Variants in SHQ1 observed in about 807,000 individuals in gnomAD.
The protein encoded by SHQ1 is protein SHQ1 homolog.
In SHQ1, 49 loss-of-function variants were observed where a neutral mutation model predicts 53.8. The ratio of observed to expected loss-of-function variants is 0.91; its 90% confidence interval spans 0.72 to 1.16. SHQ1 has a LOEUF of 1.16. Ranked by LOEUF, SHQ1 falls within the 50% of genes most tolerant of loss-of-function variation. The pLI, the probability that SHQ1 is intolerant of heterozygous loss-of-function variation, is 0.00. For missense variants in SHQ1, 738 were observed against 683.1 expected, an observed-to-expected ratio of 1.08 and a Z score of -0.90; for synonymous variants, 243 against 251.0, an observed-to-expected ratio of 0.97 and a Z score of 0.30.
At chr3:72,769,448 A>G (rs1008892230) in intron 10 of SHQ1, among the ~76,000 whole-genome samples, 1 of 152,160 alleles carries the variant, frequency 6.6e-6, no homozygotes, top group Non-Finnish European at 1.5e-5. Flanking sequence ...TGTATATCTC[A>G]ATACGTACCT....
intron 8 of SHQ1, among the ~76,000 whole-genome samples, chr3:72,814,315 A>C (rs1014624874): frequency 3.3e-5 from 5 of 152,252 alleles, no homozygotes; most frequent in African/African-American, 1.2e-4. Flanking sequence ...TCATGGCAAC[A>C]TGAGGAACTC....
intron 9 of SHQ1, among the ~76,000 whole-genome samples, chr3:72,797,484 A>T (rs1706660973): frequency 6.6e-6 from 1 of 152,208 alleles, no homozygotes; most frequent in Non-Finnish European, 1.5e-5. Flanking sequence ...AAATTAAGAC[A>T]TGTTCAACTA....
At chr3:72,793,441 A>G in intron 9 of SHQ1, 1 of 149,868 alleles carries the variant, frequency 6.7e-6, no homozygotes, top group Non-Finnish European at 1.5e-5. Context: ...GGGGAGGTGG[A>G]GCTTGCCGTG....
intron 9 of SHQ1, among the ~76,000 whole-genome samples, chr3:72,800,827 T>G (rs996257657): frequency 2.0e-5 from 3 of 152,228 alleles, no homozygotes; most frequent in Non-Finnish European, 4.4e-5. Context: ...TAATTATATA[T>G]TTCCCTGACA....
At chr3:72,782,076 A>T (rs1446489065) in intron 10 of SHQ1, among the ~76,000 whole-genome samples, 4 of 152,198 alleles carry the variant, frequency 2.6e-5, no homozygotes, top group African/African-American at 9.6e-5. Flanking sequence ...AAAACAGAAA[A>T]CATGATCCAC....
chr3:72,767,244 A>T (rs1705750024), intron 10 of SHQ1, among the ~76,000 whole-genome samples: 2 of 152,210 alleles, frequency 1.3e-5, no homozygotes, highest in Non-Finnish European at 2.9e-5. Context: ...CAATGTTCAG[A>T]AGCAAAAACC....
chr3:72,818,596 G>A (rs185191128), intron 6 of SHQ1, among the ~76,000 whole-genome samples: 1 of 152,268 alleles, frequency 6.6e-6, no homozygotes, highest in East Asian at 1.9e-4. Flanking sequence ...AATAAATTGA[G>A]TATAGTAGGC....
Position 72,842,329 on chromosome 3 carries a change from A to T in SHQ1, c.282T>A (p.Leu94=). The T allele has an allele frequency of 6.2e-7, 1 of 1,614,010 alleles. No homozygotes were observed. Among genetic ancestry groups the T allele is most frequent in the Non-Finnish European group, 8.5e-7 (1 of 1,179,896 alleles). Residue 94 remains leucine, a synonymous_variant, in exon 3 of 11, where the codon CTT becomes CTA. Coordinates refer to ENST00000325599, the MANE Select transcript of SHQ1 (RefSeq NM_018130.3). ...HFEGLNMLTA[L]LAPRKSRTAK... Reference sequence around the variant, plus strand: ...CTGTCCTGGATTTTCTTGGTGCCAGAAGAGCAGTTAACATGTTCAGCCCCT... The same window carrying T: ...CTGTCCTGGATTTTCTTGGTGCCAGTAGAGCAGTTAACATGTTCAGCCCCT...
At chr3:72,756,010 C>T (rs1371339057) in intron 10 of SHQ1, among the ~76,000 whole-genome samples, 1 of 152,174 alleles carries the variant, frequency 6.6e-6, no homozygotes, top group Non-Finnish European at 1.5e-5. Context: ...GTGATCCTCC[C>T]ACCTCAGCCT....
chr3:72,726,391 C>G, the SHQ1 span, among the ~76,000 whole-genome samples: 1 of 152,058 alleles, frequency 6.6e-6, no homozygotes, highest in Non-Finnish European at 1.5e-5. Flanking sequence ...AGCTCTGTCG[C>G]CCAGGTTGAG....
chr3:72,750,556 C>A lies in SHQ1; in HGVS notation c.1462G>T (p.Val488Phe), dbSNP rs1309843400. Residue 488 changes from valine to phenylalanine, a missense_variant, in exon 11 of 11, where the codon GTC (valine) becomes TTC (phenylalanine). Coordinates refer to ENST00000325599, the MANE Select transcript of SHQ1 (RefSeq NM_018130.3). Reference sequence around the variant, plus strand: ...AGAAAGGGACCTTGCAAAGAACTGACTGTCTCAGATGGACTATCTTTGAGT... The same window carrying A: ...AGAAAGGGACCTTGCAAAGAACTGAATGTCTCAGATGGACTATCTTTGAGT... ...DELKDSPSET[V>F]SSLQGPFLEE... 4 of 1,614,228 alleles carry A rather than the reference C, an allele frequency of 2.5e-6. No homozygotes were observed. The highest frequency in any genetic ancestry group is 2.2e-5 in the East Asian group (1 of 44,894).
chr3:72,765,340 T>C (rs778380595), intron 10 of SHQ1, among the ~76,000 whole-genome samples: 2 of 151,614 alleles, frequency 1.3e-5, no homozygotes, highest in Non-Finnish European at 2.9e-5. Flanking sequence ...TACCTGTTAC[T>C]TCCTTCTATG....
At position 72,832,537 on chromosome 3, in the gene SHQ1, A is replaced by G. The variant is rs77489635; in HGVS notation, c.487-56T>C. Reference sequence around the variant, plus strand: ...GCTATCTCCTATTTTTAGCATTTAAAACTCAAATTTTATACAAAATGCCAA... The same window carrying G: ...GCTATCTCCTATTTTTAGCATTTAAGACTCAAATTTTATACAAAATGCCAA... On this transcript the variant is annotated intron_variant, in intron 4 of 10. Coordinates refer to ENST00000325599, the MANE Select transcript of SHQ1 (RefSeq NM_018130.3). 8.0e-4 allele frequency: 1,031 copies of G among 1,283,900 alleles called. 4 individuals are homozygous for G. The African/African-American group carries it at 0.013, about 16-fold the overall frequency. The allele number at this position is 1,283,900 out of a possible 1,614,324, so 79.5% of individuals were successfully genotyped here.
At chr3:72,835,899 C>A (rs1707977895) in intron 4 of SHQ1, among the ~76,000 whole-genome samples, 1 of 152,184 alleles carries the variant, frequency 6.6e-6, no homozygotes, top group East Asian at 1.9e-4. Flanking sequence ...CCCATCCTTT[C>A]CCTTTACCTG....
chr3:72,796,928 T>TAA (rs60237295), intron 9 of SHQ1, among the ~76,000 whole-genome samples: 26,459 of 119,500 alleles, frequency 0.22, 2,986 homozygotes, highest in Non-Finnish European at 0.26. Flanking sequence ...CCTATTTTCT[T>TAA]AAAAAAAAAA....
intron 9 of SHQ1, among the ~76,000 whole-genome samples, chr3:72,812,255 T>C (rs753962619): frequency 6.6e-6 from 1 of 152,204 alleles, no homozygotes; most frequent in Non-Finnish European, 1.5e-5. Context: ...CTCTTTGGAA[T>C]TGCTAACTTA....
intron 10 of SHQ1, among the ~76,000 whole-genome samples, chr3:72,779,104 A>G (rs1363756973): frequency 1.3e-5 from 2 of 152,198 alleles, no homozygotes; most frequent in East Asian, 3.8e-4. Flanking sequence ...CTCTTAGAAT[A>G]AGGATAAAAA....
At chr3:72,729,086 G>T in the SHQ1 span, among the ~76,000 whole-genome samples, 1 of 152,238 alleles carries the variant, frequency 6.6e-6, no homozygotes, top group Non-Finnish European at 1.5e-5. Context: ...CCTCTTTGCT[G>T]AGTAAACTGA....
chr3:72,791,175 A>G (rs939377786), intron 10 of SHQ1, among the ~76,000 whole-genome samples: 2 of 152,198 alleles, frequency 1.3e-5, no homozygotes, highest in Non-Finnish European at 2.9e-5. Flanking sequence ...TTACAAAATC[A>G]TCATTCCTAA....
Sources: allele counts gnomAD v4.1 joint callset (sites outside exome capture counted in the v4.1 genomes callset), GRCh38; gene constraint gnomAD v4.1.1; transcripts MANE v1.5; gene names NCBI Gene and HGNC (gene_info 2026-07-23, HGNC 2026-07-21).